PRKCI: variants seen among roughly 807,000 people sequenced by gnomAD.
PRKCI encodes the protein protein kinase C iota type.
A neutral mutation model predicts 84.0 loss-of-function variants in PRKCI; 43 were observed. The observed-to-expected ratio is 0.51, with a 90% CI of 0.40 to 0.66. The LOEUF is 0.66. Among genes scored for constraint, PRKCI ranks in the 30% least tolerant of loss-of-function variants. The pLI, the probability that PRKCI is intolerant of heterozygous loss-of-function variation, is 0.00. For synonymous variants in PRKCI, 216 were observed against 234.4 expected, an observed-to-expected ratio of 0.92 and a Z score of 0.72; for missense variants, 459 against 745.6, an observed-to-expected ratio of 0.62 and a Z score of 4.48.
rs1199520604 is a variant in PRKCI, at chr3:170,222,769, G to T, written c.100G>T (p.Gly34Trp). The change falls in exon 1 of 18, where the codon GGG (glycine) becomes TGG (tryptophan). Residue 34 changes from glycine to tryptophan, a missense_variant and splice_region_variant. By Grantham distance (184) the Gly-to-Trp change is radical (BLOSUM62 -2). Transcript: ENST00000295797. Reference protein sequence around the residue: ...HQVRVKAYYRGDIMITHFEPS... With the variant: ...HQVRVKAYYRWDIMITHFEPS... ...GGTCCGGGTGAAAGCCTACTACCGC[G>T]GGTGAGTGTCCTGGGACAGGGCGGT... The T allele has an allele frequency of 3.1e-6, 5 of 1,608,786 alleles. No individual in the cohort carries two copies. The Admixed American group carries it at 8.4e-5, about 27-fold the overall frequency.
At chr3:170,270,634 A>C in intron 6 of PRKCI, 73 bp downstream of exon 6, 1 of 1,466,758 alleles carries the variant, frequency 6.8e-7, no homozygotes, top group Middle Eastern at 2.0e-4. Flanking sequence ...ACAGAGTGCT[A>C]AAATAGGGAG....
chr3:170,265,545 T>A (rs1733837791), intron 4 of PRKCI, among the ~76,000 whole-genome samples: 2 of 152,232 alleles, frequency 1.3e-5, no homozygotes, highest in South Asian at 4.1e-4. Context: ...TTTCTGCACA[T>A]GCCCATCACT....
intron 13 of PRKCI, 52 bp from the exon 14 acceptor site, chr3:170,293,331 C>G: frequency 6.6e-7 from 1 of 1,522,438 alleles, no homozygotes; most frequent in Non-Finnish European, 8.9e-7. Flanking sequence ...CAGTTACTAA[C>G]TTTCAAGAAT....
chr3:170,292,829 C>T (rs1734588412), intron 13 of PRKCI, among the ~76,000 whole-genome samples: 1 of 151,768 alleles, frequency 6.6e-6, no homozygotes, highest in Non-Finnish European at 1.5e-5. Flanking sequence ...ATCACGAGGT[C>T]AGGAAATCGA....
chr3:170,273,362 C>T, intron 7 of PRKCI, 22 bp downstream of exon 7: 1 of 1,608,432 alleles, frequency 6.2e-7, no homozygotes, highest in Non-Finnish European at 8.5e-7. Flanking sequence ...GCTGGCACAA[C>T]CCATTGTTCA....
At position 170,305,531 on chromosome 3, in the gene PRKCI, A is replaced by G. The variant is rs577645112; in HGVS notation, c.*2404A>G. 5.9e-5 allele frequency: 9 copies of G among 152,394 alleles called. No homozygotes were observed. In the East Asian group the frequency reaches 9.6e-4, roughly 16 times the overall value. 9.4% of individuals were successfully genotyped at this position (152,394 alleles called of 1,614,324 possible). A position where few individuals can be genotyped will look rare whatever the true frequency, so the allele number is the denominator to read the frequency against. Reference sequence around the variant, plus strand: ...ATTTTTCTATGATGAGGTTTTAACCATTATTCAGGGTGGTCTTTTGTTTTT... The same window carrying G: ...ATTTTTCTATGATGAGGTTTTAACCGTTATTCAGGGTGGTCTTTTGTTTTT... On this transcript the variant is annotated 3_prime_UTR_variant, in exon 18 of 18. Coordinates refer to ENST00000295797, the MANE Select transcript of PRKCI (RefSeq NM_002740.6).
chr3:170,245,950 T>TTG (rs1560169872), intron 2 of PRKCI, among the ~76,000 whole-genome samples: 3 of 44,348 alleles, frequency 6.8e-5, no homozygotes, highest in African/African-American at 3.9e-4. Flanking sequence ...TATGTCTTTG[T>TTG]TTTTTTTTTT....
intron 2 of PRKCI, among the ~76,000 whole-genome samples, chr3:170,247,021 A>G (rs564873554): frequency 3.9e-5 from 6 of 151,936 alleles, no homozygotes; most frequent in Non-Finnish European, 7.4e-5. Context: ...AAAATCTGCT[A>G]TCAACTTCCT....
intron 7 of PRKCI, among the ~76,000 whole-genome samples, chr3:170,273,958 T>C (rs903745218): frequency 6.6e-6 from 1 of 151,480 alleles, no homozygotes; most frequent in Non-Finnish European, 1.5e-5. Context: ...ACAGGGAGAC[T>C]CTGTCTCTAT....
chr3:170,267,841 A>T, intron 4 of PRKCI, 74 bp from the exon 5 acceptor site: 1 of 1,129,632 alleles, frequency 8.9e-7, no homozygotes, highest in Non-Finnish European at 1.2e-6. Context: ...TGAAAAAATT[A>T]CAGACTTAAT....
At position 170,263,445 on chromosome 3, in the gene PRKCI, C is replaced by G. The variant is rs1234552206; in HGVS notation, c.364+16C>G. The stretch of plus-strand genomic sequence containing the variant: ...GGAGAAGATAGTGAGTGTTTATATA[C>G]TTCATACCTTTTACAAGAGTTACTA... On this transcript the variant is annotated intron_variant, in intron 4 of 17. Transcript: ENST00000295797. The G allele has an allele frequency of 1.1e-5, 17 of 1,560,320 alleles. No individual in the cohort carries two copies. The highest frequency in any genetic ancestry group is 1.5e-5 in the Non-Finnish European group (17 of 1,132,922).
chr3:170,274,541 TTAGA>T (rs1734070553), intron 7 of PRKCI, among the ~76,000 whole-genome samples: 1 of 152,138 alleles, frequency 6.6e-6, no homozygotes, highest in African/African-American at 2.4e-5. Context: ...ACTGAAAACG[TTAGA>T]TAGATACAAA....
At chr3:170,226,904 C>CA (rs1202062475) in intron 1 of PRKCI, among the ~76,000 whole-genome samples, 4 of 151,880 alleles carry the variant, frequency 2.6e-5, no homozygotes, top group Non-Finnish European at 4.4e-5. Flanking sequence ...AGCCTGGTGC[C>CA]AAAAAACCCA....
rs1012321440 is a variant in PRKCI at position 170,297,545 on chromosome 3, C to T, written c.1587+152C>T. 21 of 627,150 alleles carry T rather than the reference C, an allele frequency of 3.3e-5. 1 individual carries two copies. Among genetic ancestry groups the T allele is most frequent in the South Asian group, 2.8e-4 (15 of 54,158 alleles). The allele number at this position is 627,150 out of a possible 1,614,324, so 38.8% of individuals were successfully genotyped here. A position where few individuals can be genotyped will look rare whatever the true frequency, so the allele number is the denominator to read the frequency against. On this transcript the variant is annotated intron_variant, in intron 16 of 17. Coordinates refer to ENST00000295797, the MANE Select transcript of PRKCI (RefSeq NM_002740.6). ...TCTCAGCTCACTGCAACCTCCGCCT[C>T]GCGAGTTCAAGCAGTTCTGTCTCTG... is the stretch of plus-strand genomic sequence containing the variant.
At chr3:170,245,246 T>C (rs1236257568) in intron 2 of PRKCI, among the ~76,000 whole-genome samples, 3 of 152,130 alleles carry the variant, frequency 2.0e-5, no homozygotes, top group African/African-American at 7.2e-5. Flanking sequence ...TTTGACTGAT[T>C]TGTGGCTAAT....
chr3:170,257,433 A>G (rs1379073124), intron 2 of PRKCI, among the ~76,000 whole-genome samples: 1 of 152,218 alleles, frequency 6.6e-6, no homozygotes, highest in Non-Finnish European at 1.5e-5. Context: ...GTGGAAGGTA[A>G]GAACATGGAG....
chr3:170,301,124 G>A (rs1734808497), intron 17 of PRKCI, among the ~76,000 whole-genome samples: 1 of 152,192 alleles, frequency 6.6e-6, no homozygotes, highest in African/African-American at 2.4e-5. Context: ...AAGACAGTCT[G>A]ATCTCCCCAA....
At chr3:170,258,612 T>G (rs1193871785) in intron 2 of PRKCI, among the ~76,000 whole-genome samples, 4 of 152,196 alleles carry the variant, frequency 2.6e-5, no homozygotes, top group Non-Finnish European at 4.4e-5. Context: ...ACTTTTTCAC[T>G]GAGGAATGCC....
intron 2 of PRKCI, among the ~76,000 whole-genome samples, chr3:170,240,317 AATTAACAGATGCACATAG>A (rs1733095220): frequency 6.6e-6 from 1 of 151,888 alleles, no homozygotes; most frequent in Non-Finnish European, 1.5e-5. Context: ...AGCATATTTT[AATTAACAGATGCACATAG>A]TAAATTAACT....
Sources: allele counts gnomAD v4.1 joint callset (sites outside exome capture counted in the v4.1 genomes callset), GRCh38; gene constraint gnomAD v4.1.1; transcripts MANE v1.5; gene names NCBI Gene and HGNC (gene_info 2026-07-23, HGNC 2026-07-21).